Variants in CCDC158 observed in about 807,000 individuals in gnomAD.
The protein encoded by CCDC158 is coiled-coil domain containing 158.
A neutral mutation model predicts 138.6 loss-of-function variants in CCDC158; 116 were observed. That is an observed-to-expected ratio of 0.84 (90% CI 0.72 to 0.98). The LOEUF is 0.98. CCDC158 is among the 50% of genes least tolerant of loss of function. CCDC158 has a pLI of 0.00. For synonymous variants in CCDC158, 436 were observed against 442.4 expected (o/e 0.99, Z 0.18); for missense variants, 1,265 against 1,306.1 (o/e 0.97, Z 0.48).
intron 12 of CCDC158, among the ~76,000 whole-genome samples, chr4:76,363,762 T>G (rs1021757446): frequency 6.6e-6 from 1 of 152,026 alleles, no homozygotes; most frequent in African/African-American, 2.4e-5. Flanking sequence ...AACTTGAGCA[T>G]GCATTGTGAG....
chr4:76,407,369 A>C (rs1728914915), intron 2 of CCDC158: 1 of 152,024 alleles, frequency 6.6e-6, no homozygotes, highest in African/African-American at 2.4e-5. Flanking sequence ...TAACAAATAG[A>C]ATGTTAGTCA....
intron 4 of CCDC158, among the ~76,000 whole-genome samples, chr4:76,395,935 C>T (rs974808802): frequency 1.3e-5 from 2 of 152,156 alleles, no homozygotes; most frequent in East Asian, 3.8e-4. Context: ...ATCATGATAG[C>T]AGGACAGCAG....
intron 8 of CCDC158, among the ~76,000 whole-genome samples, chr4:76,381,833 C>T (rs1484295619): frequency 6.6e-6 from 1 of 152,118 alleles, no homozygotes; most frequent in Non-Finnish European, 1.5e-5. Flanking sequence ...AGGTGCCCAC[C>T]ACCATGCCCA....
chr4:76,367,605 C>A lies in CCDC158; in HGVS notation c.1519G>T (p.Glu507Ter). Residue 507 changes from glutamate (E) to a stop codon, truncating the protein, a stop_gained, in exon 12 of 25, where the codon GAA (glutamate) becomes TAA (stop). Coordinates refer to ENST00000682701, the MANE Select transcript of CCDC158 (RefSeq NM_001394954.1). LOFTEE classifies it high-confidence loss of function. Reference sequence around the variant, plus strand: ...GTAGCCTCGATGGCTCTCTCTTTTTCCTGGAGAGAAGTTGTCAGGTCCGAT... The same window carrying A: ...GTAGCCTCGATGGCTCTCTCTTTTTACTGGAGAGAAGTTGTCAGGTCCGAT... ...TISDLTTSLQ[E>*]KERAIEATNA... 1.9e-6 allele frequency: 3 copies of A among 1,614,158 alleles called. No homozygotes were observed. Among genetic ancestry groups the A allele is most frequent in the Non-Finnish European group, 2.5e-6 (3 of 1,180,026 alleles).
chr4:76,315,034 G>T (rs374240345), intron 24 of CCDC158, among the ~76,000 whole-genome samples: 1 of 152,114 alleles, frequency 6.6e-6, no homozygotes, highest in Non-Finnish European at 1.5e-5. Flanking sequence ...TGATCTGCCC[G>T]CCACCCCCAA....
chr4:76,374,070 C>T (rs566180216), intron 9 of CCDC158, among the ~76,000 whole-genome samples: 5 of 152,086 alleles, frequency 3.3e-5, no homozygotes, highest in Admixed American at 6.5e-5. Flanking sequence ...GTGGGAGGAT[C>T]GCTTGAGCCT....
chr4:76,409,244 A>T (rs1729094375), intron 2 of CCDC158, among the ~76,000 whole-genome samples: 1 of 152,196 alleles, frequency 6.6e-6, no homozygotes, highest in East Asian at 1.9e-4. Flanking sequence ...ACACTATAGG[A>T]ATTGAAATAT....
chr4:76,344,845 T>C (rs1722393004), intron 18 of CCDC158: 1 of 1,591,832 alleles, frequency 6.3e-7, no homozygotes, highest in East Asian at 2.2e-5. Context: ...GAAGGGTCTA[T>C]GACCAAAGAA....
At chr4:76,320,816 A>G (rs931951623) in intron 24 of CCDC158, among the ~76,000 whole-genome samples, 30 of 152,226 alleles carry the variant, frequency 2.0e-4, no homozygotes, top group Non-Finnish European at 4.4e-5. Flanking sequence ...ATTCTAGAAG[A>G]TAACATCAGA....
chr4:76,365,235 G>T (rs994598135), intron 12 of CCDC158, among the ~76,000 whole-genome samples: 1 of 152,174 alleles, frequency 6.6e-6, no homozygotes, highest in East Asian at 1.9e-4. Context: ...CTGAAGAGGG[G>T]ACAGAAACCA....
intron 4 of CCDC158, 80 bp from the exon 5 acceptor site, chr4:76,384,745 T>C (rs1429957389): frequency 5.4e-6 from 5 of 926,774 alleles, no homozygotes; most frequent in Non-Finnish European, 8.5e-6. Flanking sequence ...AAGATCTATA[T>C]ATATTTTCAA....
At chr4:76,319,350 T>G (rs1719723636) in intron 24 of CCDC158, among the ~76,000 whole-genome samples, 1 of 141,812 alleles carries the variant, frequency 7.1e-6, no homozygotes, top group East Asian at 2.1e-4. Flanking sequence ...GGAGAATCAC[T>G]TGAACCCGAC....
intron 18 of CCDC158, chr4:76,345,078 G>T (rs1722411705): frequency 1.5e-6 from 2 of 1,329,480 alleles, no homozygotes; most frequent in African/African-American, 2.9e-5. Context: ...AAAATGACCA[G>T]ATCTCATAAA....
intron 13 of CCDC158, among the ~76,000 whole-genome samples, chr4:76,358,011 A>G (rs1480650622): frequency 2.0e-5 from 3 of 151,728 alleles, no homozygotes; most frequent in African/African-American, 7.3e-5. Flanking sequence ...ACACACACAC[A>G]TATTTATTTA....
At position 76,319,432 on chromosome 4, in the gene CCDC158, CAAAAAAAAAAAAAAAAA is replaced by C. The variant is rs71659321; in HGVS notation, c.3277+3853_3277+3869del. On this transcript the variant is annotated intron_variant, in intron 24 of 24. Coordinates refer to ENST00000682701, the MANE Select transcript of CCDC158 (RefSeq NM_001394954.1). The stretch of plus-strand genomic sequence containing the variant: ...TGGGTGACAGAGCAAGACTCCGTAT[CAAAAAAAAAAAAAAAAA>C]AAAAAAAAAAAAAAAAATATATATA... Among the ~76,000 whole-genome samples the C allele has an allele frequency of 2.5e-4, 6 of 23,942 alleles. 1 individual carries two copies. The highest frequency in any genetic ancestry group is 1.3e-3 in the East Asian group (1 of 756). The allele number at this position is 23,942 out of a possible 152,430, so 15.7% of individuals were successfully genotyped here.
rs191694583 is a variant in CCDC158, at chr4:76,405,134, C to T, written c.-73-1854G>A. ...ACTTTAAAGATAATGAAAAAATCCTCAGTGTGTCCAGGCAAAAAAGATGAA... is the reference window on the plus strand; with the variant it reads ...ACTTTAAAGATAATGAAAAAATCCTTAGTGTGTCCAGGCAAAAAAGATGAA... On this transcript the variant is annotated intron_variant, in intron 2 of 24. Coordinates refer to ENST00000682701, the MANE Select transcript of CCDC158 (RefSeq NM_001394954.1). Among the ~76,000 whole-genome samples the T allele has an allele frequency of 5.9e-3, 895 of 152,252 alleles. 14 individuals are homozygous for T. The highest frequency in any genetic ancestry group is 6.5e-3 in the Non-Finnish European group (441 of 68,026).
chr4:76,340,946 C>G (rs1721988932), intron 18 of CCDC158, among the ~76,000 whole-genome samples: 1 of 151,988 alleles, frequency 6.6e-6, no homozygotes, highest in Non-Finnish European at 1.5e-5. Context: ...TTCTAGGGCA[C>G]ATACATTTGC....
At chr4:76,375,185 T>A (rs1045558502) in intron 9 of CCDC158, 1 of 198,266 alleles carries the variant, frequency 5.0e-6, no homozygotes, top group Non-Finnish European at 1.0e-5. Flanking sequence ...TATTAAAGAT[T>A]TTTTCTTTTT....
At chr4:76,383,027 T>A (rs1250603086) in intron 7 of CCDC158, among the ~76,000 whole-genome samples, 1 of 152,174 alleles carries the variant, frequency 6.6e-6, no homozygotes, top group Non-Finnish European at 1.5e-5. Context: ...AAACATATCA[T>A]GAATGCAATA....
Sources: allele counts gnomAD v4.1 joint callset (sites outside exome capture counted in the v4.1 genomes callset), GRCh38; gene constraint gnomAD v4.1.1; transcripts MANE v1.5; gene names NCBI Gene and HGNC (gene_info 2026-07-23, HGNC 2026-07-21).